ACAP2: variants seen among roughly 807,000 people sequenced by gnomAD.
ACAP2 encodes arf-GAP with coiled-coil, ANK repeat and PH domain-containing protein 2.
ACAP2 carries 39 observed loss-of-function variants against 115.8 expected under a neutral mutation model. The observed-to-expected ratio is 0.34, with a 90% CI of 0.26 to 0.44. The LOEUF (loss-of-function observed/expected upper bound fraction) is 0.44. Ranked by LOEUF, ACAP2 falls within the 20% of genes least tolerant of loss-of-function variation. The pLI is 1.00. For synonymous variants in ACAP2, 289 were observed against 315.8 expected (o/e 0.92, Z 0.90); for missense variants, 662 against 927.6 (o/e 0.71, Z 3.72).
rs1560206226 is a variant in ACAP2, at chr3:195,291,689, G to A, written c.2063+17C>T. 6.4e-7 allele frequency: 1 copy of A among 1,569,256 alleles called. No individual in the cohort carries two copies. On this transcript the variant is annotated intron_variant, in intron 20 of 22. Transcript: ENST00000326793. ...TTTCAAATAAAGTCTCCTTAAATAT[G>A]AAAGCACTGCAGTTACCCTGTGTGC... is the stretch of plus-strand genomic sequence containing the variant.
intron 4 of ACAP2, 79 bp from the exon 5 acceptor site, chr3:195,345,396 C>T (rs1731133259): frequency 1.2e-6 from 1 of 812,500 alleles, no homozygotes; most frequent in African/African-American, 1.7e-5. Flanking sequence ...ATACCACATC[C>T]CTCCATCAAT....
At chr3:195,350,649 GAAAAA>G (rs201607071) in intron 4 of ACAP2, among the ~76,000 whole-genome samples, 5 of 131,782 alleles carry the variant, frequency 3.8e-5, no homozygotes, top group Admixed American at 2.3e-4. Flanking sequence ...ACTGTCTCAG[GAAAAA>G]AAAAAAAAGA....
chr3:195,287,368 T>G (rs991020524), intron 21 of ACAP2, among the ~76,000 whole-genome samples: 42 of 152,252 alleles, frequency 2.8e-4, no homozygotes, highest in African/African-American at 9.4e-4. Flanking sequence ...AAGCATGCAT[T>G]TTAATCTTAA....
chr3:195,280,623 C>T (rs1005156514), intron 22 of ACAP2: 1 of 151,952 alleles, frequency 6.6e-6, no homozygotes, highest in Non-Finnish European at 1.5e-5. Flanking sequence ...GAAAAATAAA[C>T]GTGTATATGT....
chr3:195,320,747 C>T lies in ACAP2; in HGVS notation c.811G>A (p.Gly271Arg), dbSNP rs1729394036. 6.2e-7 allele frequency: 1 copy of T among 1,613,368 alleles called. No homozygotes were observed. Among genetic ancestry groups the T allele is most frequent in the African/African-American group, 1.3e-5 (1 of 74,904 alleles). ...VDAANGIVME[G>R]YLFKRASNAF... ...TTGCTGGCTCGTTTGAACAGATATC[C>T]TTCCATAACTATGCCATTTGCAGCA... Residue 271 changes from glycine (G) to arginine (R), a missense_variant, in exon 10 of 23, where the codon GGA (glycine) becomes AGA (arginine). Physicochemically the swap from Gly to Arg is moderately radical, Grantham distance 125. This residue lies in a region of ACAP2 where 401 missense variants were observed against 604.4 expected (regional missense o/e 0.66). Transcript: ENST00000326793.
At chr3:195,375,042 A>T (rs1394430845) in intron 4 of ACAP2, among the ~76,000 whole-genome samples, 3 of 151,964 alleles carry the variant, frequency 2.0e-5, no homozygotes, top group African/African-American at 7.2e-5. Context: ...AAATACAAAA[A>T]TTAGCTGGGC....
chr3:195,381,775 G>A (rs1193389165), intron 3 of ACAP2, 128 bp downstream of exon 3: 10 of 1,058,184 alleles, frequency 9.5e-6, no homozygotes, highest in Non-Finnish European at 1.4e-5. Flanking sequence ...AGCACCAAGG[G>A]GTGACCACTT....
rs111244710 is a variant in ACAP2, at chr3:195,378,511, C to CAA, written c.285+2496_285+2497dup. On this transcript the variant is annotated intron_variant, in intron 4 of 22. Coordinates refer to ENST00000326793, the MANE Select transcript of ACAP2 (RefSeq NM_012287.6). The stretch of plus-strand genomic sequence containing the variant: ...GTCTCAAAACAAAAAACAAAACAAA[C>CAA]AAACAAAAAAAAACAAAAAAAATCT... 1.5e-3 allele frequency among the ~76,000 whole-genome samples: 221 copies of CAA among 147,572 alleles called. 1 individual carries two copies. The highest frequency in any genetic ancestry group is 3.7e-3 in the African/African-American group (149 of 39,812).
intron 10 of ACAP2, among the ~76,000 whole-genome samples, chr3:195,317,077 T>C (rs527549675): frequency 3.0e-4 from 46 of 151,788 alleles, no homozygotes; most frequent in Non-Finnish European, 5.0e-4. Flanking sequence ...TTTGTATTTT[T>C]AGTAGAGATG....
intron 2 of ACAP2, among the ~76,000 whole-genome samples, chr3:195,391,281 G>A (rs904813469): frequency 6.1e-5 from 9 of 146,408 alleles, no homozygotes; most frequent in African/African-American, 2.3e-4. Flanking sequence ...CCAGGCTGGA[G>A]TGCAATGGCA....
intron 1 of ACAP2, among the ~76,000 whole-genome samples, chr3:195,434,769 AT>A (rs1277430738): frequency 5.3e-5 from 8 of 151,974 alleles, no homozygotes; most frequent in Non-Finnish European, 1.2e-4. Flanking sequence ...TTAAATCTCT[AT>A]TTTTTATAGG....
At chr3:195,357,287 C>T (rs1425024779) in intron 4 of ACAP2, among the ~76,000 whole-genome samples, 1 of 152,048 alleles carries the variant, frequency 6.6e-6, no homozygotes, top group African/African-American at 2.4e-5. Context: ...ATTTCAGTAC[C>T]AGCTTAAACA....
chr3:195,345,432 C>CCTG, intron 4 of ACAP2, 115 bp from the exon 5 acceptor site: 3 of 656,246 alleles, frequency 4.6e-6, no homozygotes, highest in South Asian at 3.8e-5. Context: ...CCGTCTATAT[C>CCTG]TCTTCTTGAA....
At chr3:195,404,575 C>T (rs544584271) in intron 1 of ACAP2, among the ~76,000 whole-genome samples, 6 of 151,818 alleles carry the variant, frequency 4.0e-5, no homozygotes, top group East Asian at 3.9e-4. Context: ...ACCCATTCCG[C>T]GAAGCTAAAT....
chr3:195,331,541 G>A (rs1037681077), intron 8 of ACAP2, among the ~76,000 whole-genome samples: 4 of 151,420 alleles, frequency 2.6e-5, no homozygotes, highest in African/African-American at 7.3e-5. Flanking sequence ...TCAAACTCCT[G>A]GCCTCATGTA....
chr3:195,284,983 A>T (rs1726750296), intron 22 of ACAP2, among the ~76,000 whole-genome samples: 6 of 152,236 alleles, frequency 3.9e-5, no homozygotes, highest in Admixed American at 3.9e-4. Context: ...ATCTTGATTC[A>T]AAGGTGAAAA....
At position 195,310,484 on chromosome 3, in the gene ACAP2, T is replaced by A. The variant is rs114140639; in HGVS notation, c.858-1647A>T. Among the ~76,000 whole-genome samples, 1,071 of 152,364 alleles carry A rather than the reference T, an allele frequency of 7.0e-3. 6 individuals are homozygous for A. The highest frequency in any genetic ancestry group is 0.011 in the Non-Finnish European group (776 of 68,034). ...CAATGGAAACAATCTCTGATACTGA[T>A]GAAAGCGTTTGTGTAAAAATCATTT... is the stretch of plus-strand genomic sequence containing the variant. On this transcript the variant is annotated intron_variant, in intron 10 of 22. Transcript: ENST00000326793.
At position 195,313,351 on chromosome 3, in the gene ACAP2, A is replaced by C. The variant is rs553282045; in HGVS notation, c.858-4514T>G. 2.0e-5 allele frequency among the ~76,000 whole-genome samples: 3 copies of C among 152,352 alleles called. No homozygotes were observed. The East Asian group carries it at 5.8e-4, about 29-fold the overall frequency. ...TAGATAGCACCTCGCGCCTCATCTT[A>C]ATAAGCTGCTCCTAAAAGTTCAGGA... On this transcript the variant is annotated intron_variant, in intron 10 of 22. Transcript: ENST00000326793.
intron 1 of ACAP2, among the ~76,000 whole-genome samples, chr3:195,442,555 C>CG (rs1716094808): frequency 6.6e-6 from 1 of 152,122 alleles, no homozygotes; most frequent in South Asian, 2.1e-4. Context: ...CGCTCCGCCC[C>CG]GGCAGAGGGC....
Sources: gnomAD v4.1 joint callset for allele counts (sites outside exome capture counted in the v4.1 genomes callset) on GRCh38, gnomAD v4.1.1 for gene constraint, gnomAD v4.1.1 regional missense constraint, MANE v1.5 for transcripts, NCBI Gene and HGNC (gene_info 2026-07-23, HGNC 2026-07-21) for gene names.